The following COX15 variants were observed in gnomAD, a reference collection of about 807,000 sequenced individuals.
COX15 encodes cytochrome c oxidase assembly factor COX15.
In COX15, 51 loss-of-function variants were observed where a neutral mutation model predicts 51.9. The observed-to-expected ratio is 0.98, with a 90% CI of 0.78 to 1.24. COX15 has a LOEUF of 1.24. COX15 is among the 50% of genes most tolerant of loss of function. COX15 has a pLI of 0.00. For synonymous variants in COX15, 188 were observed against 190.5 expected (o/e 0.99, Z 0.11); for missense variants, 420 against 501.1 (o/e 0.84, Z 1.55).
chr10:99,726,780 A>G (rs1327427984), intron 4 of COX15, among the ~76,000 whole-genome samples, 188 bp downstream of exon 4: 1 of 151,096 alleles, frequency 6.6e-6, no homozygotes, highest in African/African-American at 2.4e-5. Context: ...CCAGCTACCG[A>G]GAGGCTGAGG....
At chr10:99,725,633 C>T (rs1157709355) in intron 4 of COX15, among the ~76,000 whole-genome samples, 1 of 152,150 alleles carries the variant, frequency 6.6e-6, no homozygotes, top group Non-Finnish European at 1.5e-5. Context: ...CCTCTCAGCT[C>T]GCTGCAACCT....
chr10:99,716,866 G>A (rs1384179981), intron 7 of COX15, among the ~76,000 whole-genome samples: 3 of 151,948 alleles, frequency 2.0e-5, no homozygotes. Context: ...GCTGTGAGTG[G>A]AGAAAGTGCT....
the COX15 span, among the ~76,000 whole-genome samples, chr10:99,703,941 G>T: frequency 6.6e-6 from 1 of 152,076 alleles, no homozygotes; most frequent in Admixed American, 6.5e-5. Flanking sequence ...GACCAGGCTG[G>T]TTTTGAACTC....
Position 99,712,212 on chromosome 10 carries a change from T to C in COX15, c.*2375A>G. ...TGGAGGGGACAAAACATCCAAACCATATCACCACCTGAGAATGGTACACTA... is the reference window on the plus strand; with the variant it reads ...TGGAGGGGACAAAACATCCAAACCACATCACCACCTGAGAATGGTACACTA... On this transcript the variant is annotated 3_prime_UTR_variant, in exon 9 of 9. Coordinates refer to ENST00000016171, the MANE Select transcript of COX15 (RefSeq NM_078470.6). The C allele has an allele frequency of 1.0e-6, 1 of 984,422 alleles. No individual in the cohort carries two copies. The highest frequency in any genetic ancestry group is 1.1e-4 in the East Asian group (1 of 8,818). 61.0% of individuals were successfully genotyped at this position (984,422 alleles called of 1,614,324 possible).
intron 4 of COX15, 26 bp from the exon 5 acceptor site, chr10:99,724,149 A>G (rs760204591): frequency 6.2e-7 from 1 of 1,613,626 alleles, no homozygotes. Context: ...GATGAAGCAA[A>G]CAAAACAAGG....
rs759244770 is a variant in COX15, at chr10:99,732,065, C to T, written c.-16G>A. 16 of 1,610,216 alleles carry T rather than the reference C, an allele frequency of 9.9e-6. No individual in the cohort carries two copies. The highest frequency in any genetic ancestry group is 2.7e-5 in the African/African-American group (2 of 75,022). ...ATCGCTGCATACTGATGACAGGGAA[C>T]AGCCACCTCTTCCACAACCCAGGGC... is the stretch of plus-strand genomic sequence containing the variant. On this transcript the variant is annotated 5_prime_UTR_variant, in exon 1 of 9. Coordinates refer to ENST00000016171, the MANE Select transcript of COX15 (RefSeq NM_078470.6).
chr10:99,720,468 T>A (rs1054079309), intron 6 of COX15, among the ~76,000 whole-genome samples: 2 of 152,080 alleles, frequency 1.3e-5, no homozygotes, highest in Non-Finnish European at 2.9e-5. Context: ...GAAAAAATCC[T>A]GTGTTGGTCT....
intron 4 of COX15, among the ~76,000 whole-genome samples, chr10:99,726,614 G>A (rs978066185): frequency 3.9e-5 from 6 of 152,048 alleles, no homozygotes; most frequent in Admixed American, 2.0e-4. Flanking sequence ...GGGGCCGGGC[G>A]CAGTGGCTCA....
chr10:99,731,902 C>G (rs2037163140), intron 1 of COX15, 58 bp downstream of exon 1: 1 of 1,555,554 alleles, frequency 6.4e-7, no homozygotes, highest in African/African-American at 1.4e-5. Flanking sequence ...TTATCTTTAT[C>G]CCGGCCCTTT....
chr10:99,698,562 C>T, the COX15 span: 22 of 1,614,006 alleles, frequency 1.4e-5, no homozygotes, highest in South Asian at 1.9e-4. Flanking sequence ...AGGTCTGAGT[C>T]CCGACAATCC....
At chr10:99,720,879 T>C (rs2133594997) in intron 6 of COX15, 108 bp downstream of exon 6, 1 of 842,136 alleles carries the variant, frequency 1.2e-6, no homozygotes, top group East Asian at 2.6e-5. Flanking sequence ...GAGAAACAGA[T>C]GTGAAAAGGA....
chr10:99,695,035 G>GAATA, the COX15 span, among the ~76,000 whole-genome samples: 2 of 152,304 alleles, frequency 1.3e-5, no homozygotes, highest in Non-Finnish European at 2.9e-5. Flanking sequence ...AGATAAAAGA[G>GAATA]AATAAATAAA....
chr10:99,728,979 T>C (rs539761541), intron 2 of COX15, among the ~76,000 whole-genome samples: 6 of 152,340 alleles, frequency 3.9e-5, no homozygotes, highest in East Asian at 1.9e-4. Context: ...TGGACTCTGA[T>C]TGAAAGAGAA....
intron 4 of COX15, among the ~76,000 whole-genome samples, chr10:99,726,624 ACACCT>A (rs2036958488): frequency 6.6e-6 from 1 of 152,150 alleles, no homozygotes; most frequent in African/African-American, 2.4e-5. Flanking sequence ...GCAGTGGCTC[ACACCT>A]GTAATCCCAG....
At chr10:99,704,555 C>T in the COX15 span, 1 of 1,614,100 alleles carries the variant, frequency 6.2e-7, no homozygotes, top group Non-Finnish European at 8.5e-7. Flanking sequence ...GGTGGTGCTA[C>T]TGGCCATCTT....
rs75208218 is a variant in COX15 at position 99,723,962 on chromosome 10, C to A, written c.744G>T (p.Pro248=). The change falls in exon 5 of 9, where the codon CCG becomes CCT. Residue 248 remains proline (P), a synonymous_variant. Coordinates refer to ENST00000016171, the MANE Select transcript of COX15 (RefSeq NM_078470.6). The part of the protein sequence containing the change: ...LWTSLSLLLP[P]HKLPETHQLL... ...ATTTGCACACAACTCTTACCTTGTGCGGAGGGAGTAGCAGTGACAGTGAGG... is the reference window on the plus strand; with the variant it reads ...ATTTGCACACAACTCTTACCTTGTGAGGAGGGAGTAGCAGTGACAGTGAGG... 5.6e-5 allele frequency: 91 copies of A among 1,613,504 alleles called. No individual in the cohort carries two copies. The highest frequency in any genetic ancestry group is 7.5e-5 in the Non-Finnish European group (89 of 1,179,954).
the COX15 span, among the ~76,000 whole-genome samples, chr10:99,701,530 C>T: frequency 6.6e-6 from 1 of 151,548 alleles, no homozygotes; most frequent in East Asian, 2.0e-4. Context: ...TCAAGTGATC[C>T]GCCTGCCTCG....
rs752673721 is a variant in COX15 at position 99,732,074 on chromosome 10, C to G, written c.-25G>C. 1.9e-6 allele frequency: 3 copies of G among 1,607,000 alleles called. No individual in the cohort carries two copies. The highest frequency in any genetic ancestry group is 2.5e-6 in the Non-Finnish European group (3 of 1,176,764). On this transcript the variant is annotated 5_prime_UTR_variant, in exon 1 of 9. Coordinates refer to ENST00000016171, the MANE Select transcript of COX15 (RefSeq NM_078470.6). ...TACTGATGACAGGGAACAGCCACCT[C>G]TTCCACAACCCAGGGCTCTGTGGTC...
At chr10:99,694,560 G>T in the COX15 span, among the ~76,000 whole-genome samples, 1 of 142,904 alleles carries the variant, frequency 7.0e-6, no homozygotes, top group African/African-American at 2.6e-5. Flanking sequence ...TTTTGAGATG[G>T]GGTTTCACTC....
Sources: allele counts gnomAD v4.1 joint callset (sites outside exome capture counted in the v4.1 genomes callset), GRCh38; gene constraint gnomAD v4.1.1; transcripts MANE v1.5; gene names NCBI Gene and HGNC (gene_info 2026-07-23, HGNC 2026-07-21).